Variants in SAMSN1 observed in about 807,000 individuals in gnomAD.
SAMSN1 encodes SAM domain-containing protein SAMSN-1.
SAMSN1 carries 31 observed loss-of-function variants against 42.0 expected under a neutral mutation model. The observed-to-expected ratio is 0.74, with a 90% CI of 0.55 to 1.00. The LOEUF (loss-of-function observed/expected upper bound fraction) is 1.00. Ranked by LOEUF, SAMSN1 falls within the 50% of genes least tolerant of loss-of-function variation. The pLI is 0.00. For missense variants in SAMSN1, 464 were observed against 439.4 expected, an observed-to-expected ratio of 1.06 and a Z score of -0.50; for synonymous variants, 178 against 151.9, an observed-to-expected ratio of 1.17 and a Z score of -1.26.
chr21:14,622,620 T>C (rs1475015580), intron 2 of SAMSN1, among the ~76,000 whole-genome samples: 1 of 152,246 alleles, frequency 6.6e-6, no homozygotes, highest in Admixed American at 6.5e-5. Flanking sequence ...TGGGACTATG[T>C]GAAAAGACCA....
chr21:14,591,653 G>C (rs1168208418), intron 7 of SAMSN1, among the ~76,000 whole-genome samples: 2 of 152,156 alleles, frequency 1.3e-5, no homozygotes, highest in Non-Finnish European at 2.9e-5. Context: ...CATAAGGTGA[G>C]AGTAGGGAGA....
At chr21:14,559,845 T>C (rs1281038692) in intron 2 of SAMSN1, among the ~76,000 whole-genome samples, 1 of 152,144 alleles carries the variant, frequency 6.6e-6, no homozygotes, top group Non-Finnish European at 1.5e-5. Flanking sequence ...TAAGAATGAA[T>C]GGGATTTGAA....
chr21:14,549,872 G>T (rs1980542457), upstream of SAMSN1, among the ~76,000 whole-genome samples: 1 of 151,856 alleles, frequency 6.6e-6, no homozygotes, highest in Non-Finnish European at 1.5e-5. Context: ...AAGTTGAGTG[G>T]GGATATTGTG....
upstream of SAMSN1, among the ~76,000 whole-genome samples, chr21:14,587,760 T>TTTA (rs1187121482): frequency 2.6e-5 from 4 of 151,680 alleles, no homozygotes; most frequent in Non-Finnish European, 1.5e-5. Context: ...TATTTATTTA[T>TTTA]TTATTTTTTA....
intron 2 of SAMSN1, among the ~76,000 whole-genome samples, chr21:14,565,486 T>C (rs1202561938): frequency 6.6e-6 from 1 of 152,124 alleles, no homozygotes; most frequent in East Asian, 1.9e-4. Flanking sequence ...TACACATAAA[T>C]CTACAATTGC....
At chr21:14,597,205 C>A (rs1458483449) in intron 6 of SAMSN1, among the ~76,000 whole-genome samples, 2 of 151,972 alleles carry the variant, frequency 1.3e-5, no homozygotes, top group Non-Finnish European at 2.9e-5. Context: ...AGTGAAAGAC[C>A]TGTCTCTCCT....
intron 2 of SAMSN1, among the ~76,000 whole-genome samples, chr21:14,634,210 C>A (rs1331980696): frequency 2.2e-5 from 3 of 134,036 alleles, no homozygotes; most frequent in Non-Finnish European, 5.0e-5. Context: ...ATAAAAAAAA[C>A]CCTAGAAGAA....
At chr21:14,597,925 A>G (rs564741974) in intron 6 of SAMSN1, 1 of 152,224 alleles carries the variant, frequency 6.6e-6, no homozygotes, top group Non-Finnish European at 1.5e-5. Context: ...TATTTTCCAG[A>G]AAAGAAAGTC....
chr21:14,572,736 C>T (rs1981339886), intron 2 of SAMSN1, among the ~76,000 whole-genome samples: 1 of 152,078 alleles, frequency 6.6e-6, no homozygotes, highest in Admixed American at 6.6e-5. Context: ...TTTAATTAGC[C>T]CTTTCACATC....
At chr21:14,533,753 A>G (rs1979414806) in intron 1 of SAMSN1, among the ~76,000 whole-genome samples, 1 of 152,198 alleles carries the variant, frequency 6.6e-6, no homozygotes, top group Non-Finnish European at 1.5e-5. Context: ...TGATCAAAAA[A>G]TTGTTTCCCC....
chr21:14,490,543 C>G (rs1317108934), intron 7 of SAMSN1, among the ~76,000 whole-genome samples: 1 of 152,164 alleles, frequency 6.6e-6, no homozygotes, highest in African/African-American at 2.4e-5. Context: ...TAGTGGACAA[C>G]ATGGCATGTC....
Position 14,545,353 on chromosome 21 carries a change from A to T in SAMSN1, c.57+852T>A, listed in dbSNP as rs956731371. On this transcript the variant is annotated intron_variant, in intron 1 of 7. Transcript: ENST00000400566. The stretch of plus-strand genomic sequence containing the variant: ...ACTGATAGACAATAAATCAATCCTT[A>T]AAAAAAATCTGGACTCAGCTATTGT... 2.0e-4 allele frequency among the ~76,000 whole-genome samples: 31 copies of T among 152,028 alleles called. 1 individual carries two copies. Among genetic ancestry groups the T allele is most frequent in the Admixed American group, 7.9e-4 (12 of 15,262 alleles).
intron 1 of SAMSN1, among the ~76,000 whole-genome samples, chr21:14,649,861 A>G (rs372773006): frequency 6.6e-6 from 1 of 152,046 alleles, no homozygotes; most frequent in Non-Finnish European, 1.5e-5. Flanking sequence ...TTCTATGCCA[A>G]TGAAAACCAA....
At chr21:14,527,553 G>A (rs1175887414) in intron 1 of SAMSN1, among the ~76,000 whole-genome samples, 2 of 152,094 alleles carry the variant, frequency 1.3e-5, no homozygotes, top group Non-Finnish European at 2.9e-5. Flanking sequence ...ACAAAAGCTG[G>A]TCTATTCTAT....
At chr21:14,512,416 G>C in intron 4 of SAMSN1, 28 bp downstream of exon 4, 1 of 1,609,698 alleles carries the variant, frequency 6.2e-7, no homozygotes, top group South Asian at 1.1e-5. Flanking sequence ...TCACACCCAG[G>C]ATCTTGTCCC....
intron 3 of SAMSN1, 101 bp from the exon 4 acceptor site, chr21:14,512,674 A>G (rs1024391489): frequency 9.1e-7 from 1 of 1,098,834 alleles, no homozygotes; most frequent in African/African-American, 1.6e-5. Context: ...GCAATAAAAT[A>G]CTTAAGGATA....
At chr21:14,585,404 G>A (rs549323600), upstream of SAMSN1, 23 of 152,238 alleles carry the variant, frequency 1.5e-4, no homozygotes, top group African/African-American at 4.8e-4. Context: ...AACAAAAATC[G>A]TCTTCTCTTC....
intron 7 of SAMSN1, among the ~76,000 whole-genome samples, chr21:14,492,041 TTAA>T (rs1252565924): frequency 1.3e-5 from 2 of 152,236 alleles, no homozygotes; most frequent in Non-Finnish European, 2.9e-5. Context: ...TGGGTATATC[TTAA>T]TTTATTTAAC....
chr21:14,594,461 C>T (rs1021369926), intron 6 of SAMSN1, among the ~76,000 whole-genome samples: 1 of 152,110 alleles, frequency 6.6e-6, no homozygotes, highest in Non-Finnish European at 1.5e-5. Flanking sequence ...TTTTATGAAG[C>T]AGCCCACTCT....
Sources: gnomAD v4.1 joint callset for allele counts (sites outside exome capture counted in the v4.1 genomes callset) on GRCh38, gnomAD v4.1.1 for gene constraint, MANE v1.5 for transcripts, NCBI Gene and HGNC (gene_info 2026-07-23, HGNC 2026-07-21) for gene names.